Variants in PREX2 observed in about 807,000 individuals in gnomAD.
PREX2 encodes the protein phosphatidylinositol 3,4,5-trisphosphate-dependent Rac exchanger 2 protein.
A neutral mutation model predicts 203.2 loss-of-function variants in PREX2; 107 were observed. That is an observed-to-expected ratio of 0.53 (90% CI 0.45 to 0.62). The LOEUF (loss-of-function observed/expected upper bound fraction) is 0.62, where lower values mean the gene tolerates loss of function less well. Among genes scored for constraint, PREX2 ranks in the 20% least tolerant of loss-of-function variants. PREX2 has a pLI of 0.00. For synonymous variants in PREX2, 672 were observed against 663.6 expected (o/e 1.01, Z -0.19); for missense variants, 1,777 against 1,955.9 (o/e 0.91, Z 1.72).
intron 26 of PREX2, 130 bp from the exon 27 acceptor site, chr8:68,118,420 G>A (rs1174810055): frequency 1.7e-6 from 1 of 592,278 alleles, no homozygotes; most frequent in African/African-American, 1.9e-5. Flanking sequence ...AGTTGAACAA[G>A]TTTATCTTTC....
chr8:68,176,503 A>T (rs142566027), intron 35 of PREX2, among the ~76,000 whole-genome samples: 17 of 152,276 alleles, frequency 1.1e-4, no homozygotes, highest in African/African-American at 4.1e-4. Context: ...CCTTCCATTG[A>T]CTAGCTTGAA....
rs769286996 is a variant in PREX2 at position 68,173,813 on chromosome 8, A to G, written c.4346+16377A>G. Among the ~76,000 whole-genome samples the G allele has an allele frequency of 5.9e-5, 9 of 152,210 alleles. No individual in the cohort carries two copies. In the South Asian group the frequency reaches 1.0e-3, roughly 18 times the overall value. ...GAGAACCTCCTCTGTCTCAAAGCTA[A>G]TACAAGCTATTGTTTTCACCAAAGC... On this transcript the variant is annotated intron_variant, in intron 35 of 39. Coordinates refer to ENST00000288368, the MANE Select transcript of PREX2 (RefSeq NM_024870.4).
At chr8:68,172,963 C>G (rs1811908103) in intron 35 of PREX2, among the ~76,000 whole-genome samples, 1 of 152,138 alleles carries the variant, frequency 6.6e-6, no homozygotes. Context: ...TTGCAGAATG[C>G]CTTTAGTTAT....
intron 6 of PREX2, among the ~76,000 whole-genome samples, chr8:68,033,557 C>T (rs902800103): frequency 1.4e-4 from 22 of 152,118 alleles, no homozygotes; most frequent in Non-Finnish European, 1.5e-5. Context: ...AGAGTCAATA[C>T]AAAAGCTACA....
At chr8:68,121,719 A>G (rs548234621) in intron 30 of PREX2, among the ~76,000 whole-genome samples, 4 of 152,224 alleles carry the variant, frequency 2.6e-5, no homozygotes, top group African/African-American at 9.6e-5. Flanking sequence ...TATAACTCAG[A>G]AATTTTCTTC....
chr8:68,183,253 C>G (rs1004991041), intron 35 of PREX2, among the ~76,000 whole-genome samples: 1 of 151,870 alleles, frequency 6.6e-6, no homozygotes, highest in Non-Finnish European at 1.5e-5. Context: ...AAGATCCAAC[C>G]CATGAACTTG....
At chr8:68,139,697 T>C (rs1378179447) in intron 33 of PREX2, among the ~76,000 whole-genome samples, 1 of 152,120 alleles carries the variant, frequency 6.6e-6, no homozygotes, top group Non-Finnish European at 1.5e-5. Flanking sequence ...TATTTAAAAA[T>C]AAAGCAATGT....
chr8:68,033,793 C>G (rs1459772590), intron 6 of PREX2, among the ~76,000 whole-genome samples: 2 of 152,128 alleles, frequency 1.3e-5, no homozygotes, highest in Non-Finnish European at 2.9e-5. Flanking sequence ...TGGGGAAATA[C>G]TGATTCTCCA....
chr8:68,044,806 C>A (rs1378383209), intron 8 of PREX2, among the ~76,000 whole-genome samples: 2 of 152,046 alleles, frequency 1.3e-5, no homozygotes, highest in African/African-American at 4.8e-5. Flanking sequence ...AACACACTAA[C>A]ATGAAACACA....
intron 8 of PREX2, among the ~76,000 whole-genome samples, chr8:68,048,087 G>A (rs1375586259): frequency 6.6e-6 from 1 of 151,890 alleles, no homozygotes; most frequent in Non-Finnish European, 1.5e-5. Context: ...TATATTCAAG[G>A]CAGATGTTGA....
rs115711861 is a variant in PREX2 at position 68,101,379 on chromosome 8, A to G, written c.2715+1536A>G. 5.0e-3 allele frequency: 2,576 copies of G among 518,814 alleles called. 50 individuals carry two copies. Among genetic ancestry groups the G allele is most frequent in the African/African-American group, 0.042 (2,162 of 52,052 alleles). 32.1% of individuals were successfully genotyped at this position (518,814 alleles called of 1,614,324 possible). A position where few individuals can be genotyped will look rare whatever the true frequency, so the allele number is the denominator to read the frequency against. On this transcript the variant is annotated intron_variant, in intron 23 of 39. Transcript: ENST00000288368. ...GTTGTTGAGTTGAGTTTGCATTACT[A>G]TTGTATCTTTTAAAAAGTTACTCAC...
chr8:68,152,353 A>G (rs1811456008), intron 34 of PREX2, among the ~76,000 whole-genome samples: 1 of 150,894 alleles, frequency 6.6e-6, no homozygotes, highest in African/African-American at 2.4e-5. Flanking sequence ...CACAATATTT[A>G]TAATTGAAAC....
intron 2 of PREX2, 69 bp downstream of exon 2, chr8:68,017,986 G>A: frequency 1.8e-6 from 2 of 1,096,810 alleles, no homozygotes; most frequent in South Asian, 1.3e-5. Context: ...TGGTGCCATG[G>A]TACTTCACAG....
chr8:68,229,524 C>T (rs767900322), intron 39 of PREX2, among the ~76,000 whole-genome samples: 1 of 152,206 alleles, frequency 6.6e-6, no homozygotes, highest in Non-Finnish European at 1.5e-5. Flanking sequence ...TGAGTCACTT[C>T]CAAGAAGCCT....
chr8:68,121,148 G>C, intron 30 of PREX2, 99 bp downstream of exon 30: 1 of 1,258,258 alleles, frequency 7.9e-7, no homozygotes, highest in East Asian at 2.4e-5. Context: ...ATTTTTTGCA[G>C]TGTTTCCTTT....
chr8:68,157,252 A>G, intron 34 of PREX2, 70 bp from the exon 35 acceptor site: 1 of 731,204 alleles, frequency 1.4e-6, no homozygotes. Context: ...AATAATCAAT[A>G]AAATTATACT....
intron 34 of PREX2, among the ~76,000 whole-genome samples, chr8:68,150,552 C>T (rs1461093088): frequency 6.6e-6 from 1 of 152,168 alleles, no homozygotes; most frequent in Non-Finnish European, 1.5e-5. Context: ...CTAAGAGGGA[C>T]CCCAGTAGAT....
At chr8:68,184,635 G>A (rs776820483) in intron 35 of PREX2, among the ~76,000 whole-genome samples, 1 of 152,140 alleles carries the variant, frequency 6.6e-6, no homozygotes, top group Non-Finnish European at 1.5e-5. Context: ...GAAGAAGCAA[G>A]AGTATAGCAG....
chr8:67,987,692 C>T (rs1242591674), intron 1 of PREX2, among the ~76,000 whole-genome samples: 2 of 152,188 alleles, frequency 1.3e-5, no homozygotes, highest in Non-Finnish European at 2.9e-5. Context: ...AGCGCCTTTT[C>T]CCCTGCAACC....
Sources: gnomAD v4.1 joint callset for allele counts (sites outside exome capture counted in the v4.1 genomes callset) on GRCh38, gnomAD v4.1.1 for gene constraint, MANE v1.5 for transcripts, NCBI Gene and HGNC (gene_info 2026-07-23, HGNC 2026-07-21) for gene names.